The following SRPK2 variants were observed in gnomAD, a reference collection of about 807,000 sequenced individuals.
SRPK2 encodes SRSF protein kinase 2, also known as SFRS protein kinase 2.
SRPK2 carries 21 observed loss-of-function variants against 90.8 expected under a neutral mutation model. The observed-to-expected ratio is 0.23, with a 90% CI of 0.16 to 0.33. The LOEUF is 0.33. SRPK2 is among the 10% of genes least tolerant of loss of function. The pLI is 1.00. For synonymous variants in SRPK2, 288 were observed against 311.1 expected, an observed-to-expected ratio of 0.93 and a Z score of 0.78; for missense variants, 620 against 869.0, an observed-to-expected ratio of 0.71 and a Z score of 3.60.
At chr7:105,310,541 G>A (rs1457229746) in intron 2 of SRPK2, among the ~76,000 whole-genome samples, 1 of 152,140 alleles carries the variant, frequency 6.6e-6, no homozygotes, top group South Asian at 2.1e-4. Context: ...CTACTCGAGA[G>A]ACTAAGGAGA....
At chr7:105,380,249 G>A (rs1003543273) in intron 2 of SRPK2, among the ~76,000 whole-genome samples, 9 of 150,704 alleles carry the variant, frequency 6.0e-5, no homozygotes, top group Admixed American at 2.0e-4. Context: ...CTCCCACCTC[G>A]GACTCTGGAA....
At chr7:105,158,267 T>C (rs1806831364) in intron 7 of SRPK2, among the ~76,000 whole-genome samples, 2 of 151,982 alleles carry the variant, frequency 1.3e-5, no homozygotes, top group African/African-American at 2.4e-5. Context: ...TTTTTTTTTT[T>C]TCCCTGAGAT....
chr7:105,356,424 G>T (rs1025471179), intron 2 of SRPK2, among the ~76,000 whole-genome samples: 1 of 152,038 alleles, frequency 6.6e-6, no homozygotes, highest in Admixed American at 6.6e-5. Flanking sequence ...ATGGAATCTG[G>T]GCAGCTGAAA....
chr7:105,190,334 G>A (rs974102837), intron 3 of SRPK2, among the ~76,000 whole-genome samples: 3 of 152,166 alleles, frequency 2.0e-5, no homozygotes, highest in African/African-American at 7.2e-5. Flanking sequence ...CACCACGGCT[G>A]CCATCTCAGT....
chr7:105,370,750 G>C (rs1261502840), intron 2 of SRPK2, among the ~76,000 whole-genome samples: 2 of 151,288 alleles, frequency 1.3e-5, no homozygotes, highest in African/African-American at 4.9e-5. Flanking sequence ...CAAGTAGCTG[G>C]GACTATAGGC....
At chr7:105,346,834 A>T (rs1221819382) in intron 2 of SRPK2, among the ~76,000 whole-genome samples, 1 of 147,492 alleles carries the variant, frequency 6.8e-6, no homozygotes, top group Non-Finnish European at 1.5e-5. Context: ...TGGAGCTTCC[A>T]GTCTTTGCTG....
At chr7:105,124,121 A>G (rs1233618149) in intron 15 of SRPK2, among the ~76,000 whole-genome samples, 1 of 152,152 alleles carries the variant, frequency 6.6e-6, no homozygotes, top group African/African-American at 2.4e-5. Context: ...TTATGGCCAC[A>G]CGCAGGCCGC....
At chr7:105,209,670 A>T (rs1020988347) in intron 2 of SRPK2, among the ~76,000 whole-genome samples, 1 of 152,034 alleles carries the variant, frequency 6.6e-6, no homozygotes, top group South Asian at 2.1e-4. Context: ...AGCAAAGGAA[A>T]AGGAAAGGAG....
intron 3 of SRPK2, among the ~76,000 whole-genome samples, chr7:105,197,249 A>T (rs1440535767): frequency 6.6e-6 from 1 of 152,202 alleles, no homozygotes; most frequent in Non-Finnish European, 1.5e-5. Flanking sequence ...GTGTATAGGA[A>T]GAAACTCATC....
chr7:105,179,083 A>C (rs993824924), intron 3 of SRPK2, among the ~76,000 whole-genome samples: 4 of 152,226 alleles, frequency 2.6e-5, no homozygotes, highest in African/African-American at 9.6e-5. Context: ...AATCACACAG[A>C]TTAAAGGTCA....
chr7:105,241,550 T>C (rs986332516), intron 2 of SRPK2, among the ~76,000 whole-genome samples: 10 of 152,162 alleles, frequency 6.6e-5, no homozygotes, highest in Admixed American at 5.2e-4. Context: ...ATCTTTATTA[T>C]AAGGATAAGG....
chr7:105,182,158 G>A (rs952089478), intron 3 of SRPK2, among the ~76,000 whole-genome samples: 55 of 148,930 alleles, frequency 3.7e-4, no homozygotes, highest in African/African-American at 1.4e-3. Context: ...TTGAACCCAG[G>A]AGGTGGAGGT....
At chr7:105,207,665 C>T (rs1419242429) in intron 2 of SRPK2, among the ~76,000 whole-genome samples, 1 of 152,188 alleles carries the variant, frequency 6.6e-6, no homozygotes, top group Admixed American at 6.5e-5. Context: ...CTCTCACACA[C>T]AGGCTTTACA....
At chr7:105,176,621 G>GTGTATAAATATA (rs148629862) in intron 3 of SRPK2, among the ~76,000 whole-genome samples, 1 of 147,554 alleles carries the variant, frequency 6.8e-6, no homozygotes, top group Non-Finnish European at 1.5e-5. Context: ...ATACGTGTGT[G>GTGTATAAATATA]TATATATATA....
In SRPK2 at chr7:105,149,137, G is replaced by A. The variant is rs556912516; in HGVS notation, c.622-2479C>T. Among the ~76,000 whole-genome samples, 8 of 152,270 alleles carry A rather than the reference G, an allele frequency of 5.3e-5. No homozygotes were observed. The South Asian group carries it at 1.7e-3, about 32-fold the overall frequency. ...TAAAAGAGGAAAGCCTCTTGCAGTT[G>A]AGATAGAGGAAGGCCACTGTCTCCT... On this transcript the variant is annotated intron_variant, in intron 7 of 15. Transcript: ENST00000393651.
chr7:105,195,845 A>G (rs1794849418), intron 3 of SRPK2, among the ~76,000 whole-genome samples: 1 of 152,250 alleles, frequency 6.6e-6, no homozygotes, highest in East Asian at 1.9e-4. Context: ...GTCACTATTC[A>G]GCAGGCCACA....
At chr7:105,271,424 C>T (rs1031754300) in intron 2 of SRPK2, among the ~76,000 whole-genome samples, 7 of 152,168 alleles carry the variant, frequency 4.6e-5, no homozygotes, top group African/African-American at 1.2e-4. Flanking sequence ...ATTTGTTCAT[C>T]GCTCCAGAAG....
rs144162249 is a variant in SRPK2, at chr7:105,321,848, G to C, written c.71+66800C>G. 2.8e-3 allele frequency among the ~76,000 whole-genome samples: 429 copies of C among 152,276 alleles called. 11 individuals are homozygous for C. In the East Asian group the frequency reaches 0.055, roughly 19 times the overall value. Reference sequence around the variant, plus strand: ...AAATTGAAATCCTTGTACACTGCTGGTGGGAATATAAAATGGTATCTTTTC... The same window carrying C: ...AAATTGAAATCCTTGTACACTGCTGCTGGGAATATAAAATGGTATCTTTTC... On this transcript the variant is annotated intron_variant, in intron 2 of 15. Transcript: ENST00000393651.
intron 3 of SRPK2, among the ~76,000 whole-genome samples, chr7:105,196,356 A>G (rs1023577145): frequency 6.6e-6 from 1 of 152,226 alleles, no homozygotes; most frequent in African/African-American, 2.4e-5. Context: ...AAGGAACAGA[A>G]AGTAAAGACC....
Sources: gnomAD v4.1 joint callset for allele counts (sites outside exome capture counted in the v4.1 genomes callset) on GRCh38, gnomAD v4.1.1 for gene constraint, MANE v1.5 for transcripts, NCBI Gene and HGNC (gene_info 2026-07-23, HGNC 2026-07-21) for gene names.